The following CSMD3 variants were observed in gnomAD, a reference collection of about 807,000 sequenced individuals.
CSMD3 encodes CUB and Sushi multiple domains 3.
CSMD3 carries 177 observed loss-of-function variants against 435.2 expected under a neutral mutation model. The observed-to-expected ratio is 0.41, with a 90% CI of 0.36 to 0.46. The LOEUF (loss-of-function observed/expected upper bound fraction) is 0.46, where lower values mean the gene tolerates loss of function less well. CSMD3 is among the 20% of genes least tolerant of loss of function. The probability of loss-of-function intolerance (pLI) is 0.34; values close to 1 mark genes in which losing one functional copy is unlikely to be tolerated. For missense variants in CSMD3, 4,265 were observed against 4,504.6 expected, an observed-to-expected ratio of 0.95 and a Z score of 1.52; for synonymous variants, 1,656 against 1,520.5, an observed-to-expected ratio of 1.09 and a Z score of -2.07.
intron 32 of CSMD3, among the ~76,000 whole-genome samples, chr8:112,466,880 G>C (rs1818008581): frequency 2.0e-5 from 3 of 152,024 alleles, no homozygotes; most frequent in Admixed American, 6.5e-5. Context: ...TACTATAATA[G>C]AGCTATATTT....
At chr8:112,716,364 C>G (rs1220565569) in intron 13 of CSMD3, among the ~76,000 whole-genome samples, 1 of 152,016 alleles carries the variant, frequency 6.6e-6, no homozygotes, top group Non-Finnish European at 1.5e-5. Flanking sequence ...ATACAGCTAA[C>G]AGAAACGTGA....
rs533126240 is a variant in CSMD3, at chr8:113,089,841, C to T, written c.917+8915G>A. On this transcript the variant is annotated intron_variant, in intron 5 of 70. Coordinates refer to ENST00000297405, the MANE Select transcript of CSMD3 (RefSeq NM_198123.2). ...TTATAAGGTCTGATATCCTACTGTTCTATGCTTAATCTGGAAAACAAACAA... is the reference window on the plus strand; with the variant it reads ...TTATAAGGTCTGATATCCTACTGTTTTATGCTTAATCTGGAAAACAAACAA... Among the ~76,000 whole-genome samples the T allele has an allele frequency of 3.9e-4, 59 of 151,994 alleles. No homozygotes were observed. The East Asian group carries it at 0.01, about 26-fold the overall frequency.
chr8:112,536,574 C>A (rs1241967100), intron 27 of CSMD3, among the ~76,000 whole-genome samples: 2 of 152,128 alleles, frequency 1.3e-5, no homozygotes, highest in Non-Finnish European at 2.9e-5. Flanking sequence ...GTTGGTGGGA[C>A]TGTAAACTAG....
At chr8:113,376,552 T>C (rs2094384269) in intron 1 of CSMD3, 2 of 619,544 alleles carry the variant, frequency 3.2e-6, no homozygotes, top group Non-Finnish European at 5.6e-6. Flanking sequence ...ATTTATGCGT[T>C]TGTTGTCCAA....
chr8:112,592,211 T>G (rs1276859880), intron 22 of CSMD3, among the ~76,000 whole-genome samples: 1 of 152,008 alleles, frequency 6.6e-6, no homozygotes, highest in African/African-American at 2.4e-5. Flanking sequence ...ATACTTGGAT[T>G]TTCAGAAGTG....
intron 53 of CSMD3, among the ~76,000 whole-genome samples, 168 bp downstream of exon 53, chr8:112,301,625 T>C (rs1820928294): frequency 6.6e-6 from 1 of 152,168 alleles, no homozygotes; most frequent in Non-Finnish European, 1.5e-5. Context: ...TTATTCCGTT[T>C]AGTAGCTTTT....
intron 5 of CSMD3, among the ~76,000 whole-genome samples, chr8:113,069,075 ATT>A (rs2088987623): frequency 6.6e-6 from 1 of 151,954 alleles, no homozygotes; most frequent in African/African-American, 2.4e-5. Flanking sequence ...ACGACAAACG[ATT>A]TTCTGATATA....
At chr8:112,583,335 G>A (rs1035707378) in intron 23 of CSMD3, among the ~76,000 whole-genome samples, 3 of 97,496 alleles carry the variant, frequency 3.1e-5, no homozygotes, top group African/African-American at 1.5e-4. Context: ...CATTCAAGTG[G>A]AAATAGTTGA....
At chr8:112,599,835 C>G (rs1173585753) in intron 22 of CSMD3, among the ~76,000 whole-genome samples, 1 of 123,232 alleles carries the variant, frequency 8.1e-6, no homozygotes. Context: ...CACATGGACA[C>G]AGGAAGGGGA....
At chr8:113,425,957 T>A (rs191490996) in intron 1 of CSMD3, among the ~76,000 whole-genome samples, 5 of 151,700 alleles carry the variant, frequency 3.3e-5, no homozygotes, top group Non-Finnish European at 7.4e-5. Context: ...TCAGCCAAAA[T>A]ATCTTAACTC....
At chr8:112,603,677 A>G (rs575048206) in intron 22 of CSMD3, among the ~76,000 whole-genome samples, 2 of 152,304 alleles carry the variant, frequency 1.3e-5, no homozygotes, top group Admixed American at 6.5e-5. Context: ...GTATACATAT[A>G]TTTTATGCAT....
At chr8:112,862,547 G>C (rs1433566480) in intron 10 of CSMD3, among the ~76,000 whole-genome samples, 1 of 151,952 alleles carries the variant, frequency 6.6e-6, no homozygotes, top group African/African-American at 2.4e-5. Flanking sequence ...TATTTGAACA[G>C]AGTTGCAGCA....
chr8:112,343,050 C>A (rs1328378105), intron 41 of CSMD3, among the ~76,000 whole-genome samples: 4 of 109,404 alleles, frequency 3.7e-5, no homozygotes, highest in Non-Finnish European at 5.9e-5. Context: ...ATACATTGGA[C>A]CTAATATTTG....
At chr8:113,002,961 C>T (rs956465916) in intron 6 of CSMD3, among the ~76,000 whole-genome samples, 27 of 152,096 alleles carry the variant, frequency 1.8e-4, no homozygotes, top group South Asian at 4.1e-4. Flanking sequence ...TAGTGTTGGC[C>T]AGGCACGGTG....
chr8:112,869,727 T>C (rs2081078185), intron 10 of CSMD3, among the ~76,000 whole-genome samples: 1 of 152,204 alleles, frequency 6.6e-6, no homozygotes, highest in African/African-American at 2.4e-5. Flanking sequence ...TTCTTGTCCT[T>C]TGCAGGGACA....
chr8:112,823,913 C>T (rs1185864732), intron 12 of CSMD3, among the ~76,000 whole-genome samples: 2 of 151,990 alleles, frequency 1.3e-5, no homozygotes, highest in Non-Finnish European at 1.5e-5. Context: ...CTAATATTGA[C>T]AGTGGGGTGT....
At chr8:113,153,101 A>AAAGAAAGAAAGAAAGAAAAGAAAG (rs35085690) in intron 4 of CSMD3, among the ~76,000 whole-genome samples, 1 of 99,994 alleles carries the variant, frequency 1.0e-5, no homozygotes, top group African/African-American at 4.7e-5. Context: ...AGAAAGAAAG[A>AAAGAAAGAAAGAAAGAAAAGAAAG]AAAGAAAGAA....
At chr8:112,357,487 T>A (rs921378238) in intron 38 of CSMD3, among the ~76,000 whole-genome samples, 1 of 152,046 alleles carries the variant, frequency 6.6e-6, no homozygotes, top group Non-Finnish European at 1.5e-5. Flanking sequence ...TAAATTTGCA[T>A]AAGCAATGAG....
At chr8:112,739,149 T>C (rs1167909350) in intron 13 of CSMD3, among the ~76,000 whole-genome samples, 1 of 151,768 alleles carries the variant, frequency 6.6e-6, no homozygotes, top group Non-Finnish European at 1.5e-5. Context: ...TAAGAAAGTA[T>C]TTTGTAACCA....
Sources: allele counts gnomAD v4.1 joint callset (sites outside exome capture counted in the v4.1 genomes callset), GRCh38; gene constraint gnomAD v4.1.1; transcripts MANE v1.5; gene names NCBI Gene and HGNC (gene_info 2026-07-23, HGNC 2026-07-21).